Variants in UBE2E1 observed in about 807,000 individuals in gnomAD.
UBE2E1 encodes the protein ubiquitin-conjugating enzyme E2 E1.
A neutral mutation model predicts 21.4 loss-of-function variants in UBE2E1; 6 were observed. The observed-to-expected ratio is 0.28, with a 90% CI of 0.15 to 0.55. The LOEUF (loss-of-function observed/expected upper bound fraction) is 0.55, where lower values mean the gene tolerates loss of function less well. UBE2E1 is among the 20% of genes least tolerant of loss of function. The probability of loss-of-function intolerance (pLI) is 0.93; values close to 1 mark genes in which losing one functional copy is unlikely to be tolerated. For synonymous variants in UBE2E1, 87 were observed against 82.7 expected, an observed-to-expected ratio of 1.05 and a Z score of -0.28; for missense variants, 142 against 236.5, an observed-to-expected ratio of 0.60 and a Z score of 2.62.
chr3:23,857,485 A>C (rs573125481), intron 3 of UBE2E1, among the ~76,000 whole-genome samples: 9 of 152,346 alleles, frequency 5.9e-5, no homozygotes, highest in African/African-American at 2.2e-4. Flanking sequence ...GAACACATTC[A>C]GTACTTTTAA....
At chr3:23,813,014 A>G (rs1359384742) in intron 3 of UBE2E1, among the ~76,000 whole-genome samples, 1 of 151,996 alleles carries the variant, frequency 6.6e-6, no homozygotes, top group Non-Finnish European at 1.5e-5. Context: ...AAACAGTGTA[A>G]GTACACTTCA....
chr3:23,845,716 T>G (rs1700189812), intron 3 of UBE2E1, among the ~76,000 whole-genome samples: 1 of 151,982 alleles, frequency 6.6e-6, no homozygotes, highest in South Asian at 2.1e-4. Flanking sequence ...TAGTAAATAT[T>G]CTAGGCGTCA....
intron 3 of UBE2E1, among the ~76,000 whole-genome samples, chr3:23,882,378 C>T (rs1159235622): frequency 1.3e-5 from 2 of 152,336 alleles, no homozygotes; most frequent in East Asian, 1.9e-4. Flanking sequence ...TTTAGCTAGA[C>T]ACAGAATGCT....
intron 3 of UBE2E1, among the ~76,000 whole-genome samples, chr3:23,849,209 A>T (rs1006630251): frequency 6.6e-6 from 1 of 152,040 alleles, no homozygotes; most frequent in African/African-American, 2.4e-5. Flanking sequence ...TCCTAAGTGC[A>T]TTGTTTTACA....
intron 3 of UBE2E1, among the ~76,000 whole-genome samples, chr3:23,845,019 C>T (rs1700167344): frequency 6.6e-6 from 1 of 152,070 alleles, no homozygotes; most frequent in Non-Finnish European, 1.5e-5. Flanking sequence ...GAAATTGACT[C>T]ACCACAAGGA....
At chr3:23,826,488 A>G (rs1427012881) in intron 3 of UBE2E1, among the ~76,000 whole-genome samples, 1 of 152,260 alleles carries the variant, frequency 6.6e-6, no homozygotes, top group Non-Finnish European at 1.5e-5. Context: ...GAGCAACAAC[A>G]GCAAATGACA....
intron 3 of UBE2E1, among the ~76,000 whole-genome samples, chr3:23,871,826 A>G (rs1397582341): frequency 6.6e-6 from 1 of 150,806 alleles, no homozygotes; most frequent in Non-Finnish European, 1.5e-5. Flanking sequence ...GCGGCCGGGA[A>G]GAGGCGCTCC....
At chr3:23,889,827 C>A in intron 5 of UBE2E1, 1 of 909,968 alleles carries the variant, frequency 1.1e-6, no homozygotes, top group Non-Finnish European at 1.3e-6. Flanking sequence ...AAGGTCAAAG[C>A]TGCAGTGAGC....
chr3:23,845,587 C>CTGTGTGTGTGTGTGTGTGTGTGTG (rs372552220), intron 3 of UBE2E1, among the ~76,000 whole-genome samples: 7 of 115,536 alleles, frequency 6.1e-5, no homozygotes, highest in Admixed American at 9.6e-5. Context: ...CTCTCTCTCT[C>CTGTGTGTGTGTGTGTGTGTGTGTG]TCTGTGTGTG....
At chr3:23,884,709 A>C (rs1292952928) in intron 3 of UBE2E1, among the ~76,000 whole-genome samples, 1 of 152,164 alleles carries the variant, frequency 6.6e-6, no homozygotes, top group African/African-American at 2.4e-5. Flanking sequence ...AGCACTACCA[A>C]GTTGAACATG....
At chr3:23,860,117 G>C (rs1359785308) in intron 3 of UBE2E1, among the ~76,000 whole-genome samples, 1 of 152,190 alleles carries the variant, frequency 6.6e-6, no homozygotes, top group African/African-American at 2.4e-5. Flanking sequence ...TGCTCTACCA[G>C]ACTGAAATTC....
intron 3 of UBE2E1, among the ~76,000 whole-genome samples, chr3:23,833,051 GAAAAAT>G (rs1285775276): frequency 6.6e-6 from 1 of 152,004 alleles, no homozygotes; most frequent in African/African-American, 2.4e-5. Context: ...GGGAGAAAAA[GAAAAAT>G]ATAAAGTATT....
intron 3 of UBE2E1, among the ~76,000 whole-genome samples, chr3:23,878,119 C>A (rs977440239): frequency 2.0e-5 from 3 of 152,168 alleles, no homozygotes; most frequent in African/African-American, 7.2e-5. Flanking sequence ...CCTTGCTTGG[C>A]TTCCCCAAAT....
At chr3:23,829,417 C>T (rs751923989) in intron 3 of UBE2E1, among the ~76,000 whole-genome samples, 1 of 151,922 alleles carries the variant, frequency 6.6e-6, no homozygotes, top group Non-Finnish European at 1.5e-5. Flanking sequence ...GCCTCAGCCT[C>T]CCAAAGTGCT....
At chr3:23,850,710 G>A (rs1250049995) in intron 3 of UBE2E1, among the ~76,000 whole-genome samples, 1 of 147,206 alleles carries the variant, frequency 6.8e-6, no homozygotes, top group Non-Finnish European at 1.5e-5. Flanking sequence ...TTGAGATAGG[G>A]TCTCTTTCTG....
chr3:23,848,257 T>A (rs992761324), intron 3 of UBE2E1, among the ~76,000 whole-genome samples: 2 of 152,132 alleles, frequency 1.3e-5, no homozygotes, highest in Non-Finnish European at 2.9e-5. Flanking sequence ...TCACTTGAGG[T>A]CAGGAGTTTG....
chr3:23,843,837 C>T (rs6794905), intron 3 of UBE2E1, among the ~76,000 whole-genome samples: 105,335 of 152,116 alleles, frequency 0.69, 37,155 homozygotes, highest in Admixed American at 0.75. Context: ...AAACTGTGTC[C>T]AAAACTTAAA....
intron 3 of UBE2E1, 41 bp downstream of exon 3, chr3:23,811,551 C>T: frequency 1.3e-6 from 2 of 1,586,848 alleles, no homozygotes; most frequent in Non-Finnish European, 1.7e-6. Flanking sequence ...TAAAATTCTT[C>T]TAACCTTTGT....
intron 3 of UBE2E1, among the ~76,000 whole-genome samples, chr3:23,829,530 G>A (rs1272478119): frequency 6.6e-6 from 1 of 151,948 alleles, no homozygotes; most frequent in Non-Finnish European, 1.5e-5. Flanking sequence ...TCAAACTCCT[G>A]GTCTCAAGCA....
Sources: allele counts gnomAD v4.1 joint callset (sites outside exome capture counted in the v4.1 genomes callset), GRCh38; gene constraint gnomAD v4.1.1; transcripts MANE v1.5; gene names NCBI Gene and HGNC (gene_info 2026-07-23, HGNC 2026-07-21).